Variants in PLPP4 observed in about 807,000 individuals in gnomAD.
PLPP4 encodes the protein phospholipid phosphatase 4.
PLPP4 carries 20 observed loss-of-function variants against 32.2 expected under a neutral mutation model. That is an observed-to-expected ratio of 0.62 (90% CI 0.44 to 0.90). The LOEUF is 0.90. PLPP4 is among the 40% of genes least tolerant of loss of function. The probability of loss-of-function intolerance (pLI) is 0.00; values close to 1 mark genes in which losing one functional copy is unlikely to be tolerated. For synonymous variants in PLPP4, 127 were observed against 133.0 expected (o/e 0.95, Z 0.31); for missense variants, 257 against 353.1 (o/e 0.73, Z 2.18).
At chr10:120,579,086 GC>G (rs1250554334) in intron 6 of PLPP4, among the ~76,000 whole-genome samples, 1 of 152,202 alleles carries the variant, frequency 6.6e-6, no homozygotes, top group Non-Finnish European at 1.5e-5. Flanking sequence ...ACTACTAGTG[GC>G]AGGAATGTGG....
At position 120,591,028 on chromosome 10, in the gene PLPP4, C is replaced by T. The variant is rs1049394326; in HGVS notation, c.*1526C>T. 1.3e-5 allele frequency among the ~76,000 whole-genome samples: 2 copies of T among 152,116 alleles called. No individual in the cohort carries two copies. Among genetic ancestry groups the T allele is most frequent in the Admixed American group, 6.5e-5 (1 of 15,272 alleles). On this transcript the variant is annotated 3_prime_UTR_variant, in exon 7 of 7. Transcript: ENST00000398250. Reference sequence around the variant, plus strand: ...AAGTGATCTGCCCACCTCGGCCTCCCAAAGTGCTGGGATTATAAGCGTGAG... The same window carrying T: ...AAGTGATCTGCCCACCTCGGCCTCCTAAAGTGCTGGGATTATAAGCGTGAG...
chr10:120,500,461 A>T (rs999368825), intron 1 of PLPP4, among the ~76,000 whole-genome samples: 2 of 152,104 alleles, frequency 1.3e-5, no homozygotes, highest in Non-Finnish European at 2.9e-5. Flanking sequence ...GCCACTACCC[A>T]GTCAATGGGT....
chr10:120,533,109 A>T (rs1224514886), intron 5 of PLPP4, among the ~76,000 whole-genome samples: 1 of 152,200 alleles, frequency 6.6e-6, no homozygotes, highest in Non-Finnish European at 1.5e-5. Context: ...CTGCTCCATT[A>T]CAACTGCCCA....
chr10:120,476,895 A>G (rs1358045471), intron 1 of PLPP4, among the ~76,000 whole-genome samples: 1 of 151,938 alleles, frequency 6.6e-6, no homozygotes, highest in African/African-American at 2.4e-5. Flanking sequence ...AGCTTTCCTT[A>G]CCCTTCTTCT....
intron 1 of PLPP4, among the ~76,000 whole-genome samples, chr10:120,475,463 G>A (rs1011732950): frequency 1.3e-5 from 2 of 152,192 alleles, no homozygotes; most frequent in East Asian, 1.9e-4. Flanking sequence ...ATGCAGCTAT[G>A]TTTCTAGACA....
upstream of PLPP4, chr10:120,457,004 G>T: frequency 6.2e-6 from 1 of 161,552 alleles, no homozygotes; most frequent in South Asian, 1.8e-4. Context: ...CCAGGAGGCG[G>T]AGGCGGCTCC....
chr10:120,521,996 A>G (rs4752428), intron 5 of PLPP4, among the ~76,000 whole-genome samples: 141,727 of 152,246 alleles, frequency 0.93, 66,638 homozygotes, highest in Non-Finnish European at 1. Context: ...TGCATGGGGG[A>G]TGCAAAGATA....
At chr10:120,466,723 A>G (rs1321991866) in intron 1 of PLPP4, among the ~76,000 whole-genome samples, 1 of 151,204 alleles carries the variant, frequency 6.6e-6, no homozygotes, top group Non-Finnish European at 1.5e-5. Context: ...TGCTGATTTT[A>G]GAGACGCACC....
chr10:120,527,637 T>C (rs1846466545), intron 5 of PLPP4, among the ~76,000 whole-genome samples: 2 of 152,192 alleles, frequency 1.3e-5, no homozygotes. Flanking sequence ...AAGTCACAAA[T>C]ACCATCATGA....
chr10:120,470,957 G>C (rs1564777974), intron 1 of PLPP4, among the ~76,000 whole-genome samples: 1 of 152,138 alleles, frequency 6.6e-6, no homozygotes, highest in Non-Finnish European at 1.5e-5. Context: ...TGCTAAAATA[G>C]TTTTATTGTA....
At position 120,492,346 on chromosome 10, in the gene PLPP4, A is replaced by T. The variant is rs537602604; in HGVS notation, c.57-11472A>T. Among the ~76,000 whole-genome samples, 41 of 152,356 alleles carry T rather than the reference A, an allele frequency of 2.7e-4. No homozygotes were observed. In the South Asian group the frequency reaches 8.1e-3, roughly 30 times the overall value. ...AACATTTGGACTTCTGGGGTGATGC[A>T]TGTGGTTTCTGCACATTGTGTTGCT... On this transcript the variant is annotated intron_variant, in intron 1 of 6. Coordinates refer to ENST00000398250, the MANE Select transcript of PLPP4 (RefSeq NM_001030059.3).
At chr10:120,534,459 C>G (rs1846900570) in intron 5 of PLPP4, among the ~76,000 whole-genome samples, 1 of 151,872 alleles carries the variant, frequency 6.6e-6, no homozygotes, top group Non-Finnish European at 1.5e-5. Flanking sequence ...CACTGAGCTC[C>G]TAGGATGTAT....
At chr10:120,541,152 G>A (rs551145815) in intron 5 of PLPP4, among the ~76,000 whole-genome samples, 2 of 152,296 alleles carry the variant, frequency 1.3e-5, no homozygotes, top group South Asian at 4.2e-4. Flanking sequence ...TCGTATTTAA[G>A]TATGTTTCTA....
chr10:120,531,012 T>G (rs371094487), intron 5 of PLPP4, among the ~76,000 whole-genome samples: 16 of 152,162 alleles, frequency 1.1e-4, no homozygotes, highest in African/African-American at 3.9e-4. Context: ...AGATAATTTT[T>G]CATGCCTATT....
chr10:120,479,488 G>A (rs759077522), intron 1 of PLPP4, among the ~76,000 whole-genome samples: 5 of 152,042 alleles, frequency 3.3e-5, no homozygotes, highest in Admixed American at 6.5e-5. Flanking sequence ...CATTTATTGC[G>A]ATCTGAAATG....
chr10:120,537,080 C>T (rs946891263), intron 5 of PLPP4, among the ~76,000 whole-genome samples: 3 of 152,116 alleles, frequency 2.0e-5, no homozygotes, highest in African/African-American at 7.2e-5. Flanking sequence ...AACCCTTGTA[C>T]ACTGTTGGTG....
At chr10:120,487,224 G>A (rs74159417) in intron 1 of PLPP4, among the ~76,000 whole-genome samples, 5,120 of 152,308 alleles carry the variant, frequency 0.034, 129 homozygotes, top group South Asian at 0.08. Flanking sequence ...CAGATTGAGC[G>A]TGGTGAGAGT....
intron 1 of PLPP4, among the ~76,000 whole-genome samples, chr10:120,496,893 G>A (rs1467086575): frequency 1.5e-5 from 2 of 133,210 alleles, no homozygotes; most frequent in Non-Finnish European, 3.2e-5. Flanking sequence ...AATAGGGAGA[G>A]AGAGAGAGAG....
At chr10:120,466,111 TC>T (rs1414134290) in intron 1 of PLPP4, among the ~76,000 whole-genome samples, 1 of 152,112 alleles carries the variant, frequency 6.6e-6, no homozygotes, top group Non-Finnish European at 1.5e-5. Context: ...CAGCTATACC[TC>T]TAAAAGCAAT....
Sources: gnomAD v4.1 joint callset for allele counts (sites outside exome capture counted in the v4.1 genomes callset) on GRCh38, gnomAD v4.1.1 for gene constraint, MANE v1.5 for transcripts, NCBI Gene and HGNC (gene_info 2026-07-23, HGNC 2026-07-21) for gene names.